Variants in KIAA1671 observed in about 807,000 individuals in gnomAD.
KIAA1671 encodes KIAA1671.
Under a neutral mutation model 131.2 loss-of-function variants are expected in KIAA1671, and 52 were observed. That is an observed-to-expected ratio of 0.40 (90% CI 0.32 to 0.50). The LOEUF (loss-of-function observed/expected upper bound fraction) is 0.50, where lower values mean the gene tolerates loss of function less well. KIAA1671 is among the 20% of genes least tolerant of loss of function. The probability of loss-of-function intolerance (pLI) is 0.73; values close to 1 mark genes in which losing one functional copy is unlikely to be tolerated. For missense variants in KIAA1671, 2,360 were observed against 2,364.2 expected, an observed-to-expected ratio of 1.00 and a Z score of 0.04; for synonymous variants, 1,003 against 961.6, an observed-to-expected ratio of 1.04 and a Z score of -0.80.
chr22:25,179,400 T>C (rs912711762), intron 9 of KIAA1671: 2 of 1,610,380 alleles, frequency 1.2e-6, no homozygotes, highest in African/African-American at 2.7e-5. Flanking sequence ...TGCGGCCAGG[T>C]GCGCCTCGCG....
intron 6 of KIAA1671, among the ~76,000 whole-genome samples, chr22:25,088,458 G>T (rs1356437550): frequency 1.3e-5 from 2 of 152,086 alleles, no homozygotes; most frequent in Non-Finnish European, 2.9e-5. Flanking sequence ...CAGGTGCCAG[G>T]CTCTGCAGAA....
intron 1 of KIAA1671, among the ~76,000 whole-genome samples, chr22:25,018,458 G>T (rs995448945): frequency 1.3e-5 from 2 of 151,722 alleles, no homozygotes; most frequent in Non-Finnish European, 1.5e-5. Flanking sequence ...ATACAGTTTG[G>T]TGGTATTAAG....
At chr22:25,150,205 G>A (rs1177049941) in intron 6 of KIAA1671, among the ~76,000 whole-genome samples, 4 of 152,168 alleles carry the variant, frequency 2.6e-5, no homozygotes, top group Non-Finnish European at 4.4e-5. Flanking sequence ...TGAGGCAGAC[G>A]GGCATTGTTT....
chr22:24,979,349 TA>T (rs201040228), intron 1 of KIAA1671, among the ~76,000 whole-genome samples: 83 of 134,398 alleles, frequency 6.2e-4, no homozygotes, highest in African/African-American at 1.9e-3. Flanking sequence ...TTTATTTATT[TA>T]TTTATTTATT....
intron 1 of KIAA1671, among the ~76,000 whole-genome samples, chr22:25,001,177 ATATACGTGTGTATATATGTGTGTATGTG>A (rs1924450020): frequency 1.5e-5 from 2 of 135,722 alleles, no homozygotes; most frequent in Non-Finnish European, 3.0e-5. Flanking sequence ...GTATGTGTAT[ATATACGTGTGTATATATGTGTGTATGTG>A]TATGTATGTG....
At chr22:25,092,964 G>A (rs1930093695) in intron 6 of KIAA1671, among the ~76,000 whole-genome samples, 1 of 152,192 alleles carries the variant, frequency 6.6e-6, no homozygotes, top group South Asian at 2.1e-4. Context: ...CAGGGAGGGT[G>A]AGCTCAAGGT....
intron 6 of KIAA1671, among the ~76,000 whole-genome samples, chr22:25,093,854 C>CTCTG (rs1930262625): frequency 8.7e-6 from 1 of 114,708 alleles, no homozygotes; most frequent in African/African-American, 3.1e-5. Context: ...CTCTCTCTCT[C>CTCTG]TCTCTCTCTC....
In KIAA1671 at chr22:25,196,224, A is replaced by G. The variant is rs764067438; in HGVS notation, c.*3823A>G. ...GAAAGCTAGGCCCTCTGCTCTGGAA[A>G]GTCGGCCTGAGGTTTCCGGCAAGTT... On this transcript the variant is annotated 3_prime_UTR_variant, in exon 13 of 13. Transcript: ENST00000358431. 5 of 152,176 alleles carry G rather than the reference A, an allele frequency of 3.3e-5. No homozygotes were observed. The highest frequency in any genetic ancestry group is 4.8e-5 in the African/African-American group (2 of 41,426). The allele number at this position is 152,176 out of a possible 1,614,324, so 9.4% of individuals were successfully genotyped here. A position where few individuals can be genotyped will look rare whatever the true frequency, so the allele number is the denominator to read the frequency against.
At chr22:25,052,043 CG>C (rs1203157480) in intron 6 of KIAA1671, 6 of 152,306 alleles carry the variant, frequency 3.9e-5, no homozygotes, top group Non-Finnish European at 8.8e-5. Context: ...GGAATGGAAA[CG>C]GGGCCTATCT....
At chr22:25,003,578 A>AT (rs1924587419) in intron 1 of KIAA1671, among the ~76,000 whole-genome samples, 1 of 151,464 alleles carries the variant, frequency 6.6e-6, no homozygotes, top group Admixed American at 6.6e-5. Context: ...CGCCTGGCTA[A>AT]TTTTTTTGTA....
At chr22:25,129,173 T>TG (rs957618714) in intron 6 of KIAA1671, among the ~76,000 whole-genome samples, 15 of 142,734 alleles carry the variant, frequency 1.1e-4, no homozygotes, top group East Asian at 4.5e-4. Flanking sequence ...GGCGGGGCGG[T>TG]GGGGGGGCTC....
rs553187108 is a variant in KIAA1671 at position 25,157,130 on chromosome 22, G to A, written c.4531-13690G>A. On this transcript the variant is annotated intron_variant, in intron 6 of 12. Coordinates refer to ENST00000358431, the MANE Select transcript of KIAA1671 (RefSeq NM_001145206.2). The stretch of plus-strand genomic sequence containing the variant: ...CCATTAAAAGGAGATGCTGGGAAAC[G>A]TAAAAGAATTATATACTTACATATA... Among the ~76,000 whole-genome samples the A allele has an allele frequency of 2.0e-5, 3 of 152,214 alleles. No individual in the cohort carries two copies. The South Asian group carries it at 6.2e-4, about 32-fold the overall frequency.
chr22:25,173,807 G>C (rs1004735888), intron 7 of KIAA1671, among the ~76,000 whole-genome samples: 1 of 152,176 alleles, frequency 6.6e-6, no homozygotes, highest in Admixed American at 6.5e-5. Context: ...AGTTATTAGC[G>C]AGGCAGTTTA....
chr22:25,119,057 C>A (rs933267934), intron 6 of KIAA1671, among the ~76,000 whole-genome samples: 1 of 152,172 alleles, frequency 6.6e-6, no homozygotes, highest in Non-Finnish European at 1.5e-5. Flanking sequence ...TCTCTGACTC[C>A]TCTACTAGGA....
chr22:25,181,074 C>A (rs934907949), intron 9 of KIAA1671, among the ~76,000 whole-genome samples: 7 of 152,116 alleles, frequency 4.6e-5, no homozygotes, highest in African/African-American at 1.7e-4. Context: ...TCTTTCATCC[C>A]CGCCCCCTCC....
At chr22:25,137,980 G>A (rs1932746370) in intron 6 of KIAA1671, among the ~76,000 whole-genome samples, 1 of 152,174 alleles carries the variant, frequency 6.6e-6, no homozygotes. Context: ...CAAGTGAATG[G>A]CTGTCCTGCA....
chr22:25,145,680 T>C (rs900191258), intron 6 of KIAA1671, among the ~76,000 whole-genome samples: 6 of 152,332 alleles, frequency 3.9e-5, no homozygotes, highest in Admixed American at 3.9e-4. Flanking sequence ...GGCTCACGCC[T>C]GTAATCCCAG....
chr22:25,093,722 CACA>C (rs1930147040), intron 6 of KIAA1671, among the ~76,000 whole-genome samples: 16 of 124,224 alleles, frequency 1.3e-4, no homozygotes, highest in African/African-American at 6.7e-4. Context: ...CACACACACA[CACA>C]CACACACACA....
chr22:25,090,597 G>T (rs1170512578), intron 6 of KIAA1671, among the ~76,000 whole-genome samples: 1 of 152,228 alleles, frequency 6.6e-6, no homozygotes, highest in Non-Finnish European at 1.5e-5. Context: ...AACAGCCAGG[G>T]GCTGGCCCCT....
Sources: gnomAD v4.1 joint callset for allele counts (sites outside exome capture counted in the v4.1 genomes callset) on GRCh38, gnomAD v4.1.1 for gene constraint, MANE v1.5 for transcripts, NCBI Gene and HGNC (gene_info 2026-07-23, HGNC 2026-07-21) for gene names.